Variants in CLYBL observed in about 807,000 individuals in gnomAD.
CLYBL encodes citramalyl-CoA lyase, mitochondrial.
A neutral mutation model predicts 38.9 loss-of-function variants in CLYBL; 31 were observed. The observed-to-expected ratio is 0.80, with a 90% CI of 0.60 to 1.08. The LOEUF (loss-of-function observed/expected upper bound fraction) is 1.08, where lower values mean the gene tolerates loss of function less well. CLYBL is among the 50% of genes least tolerant of loss of function. The pLI, the probability that CLYBL is intolerant of heterozygous loss-of-function variation, is 0.00. For missense variants in CLYBL, 434 were observed against 411.6 expected (o/e 1.05, Z -0.47); for synonymous variants, 171 against 158.6 (o/e 1.08, Z -0.59).
intron 6 of CLYBL, among the ~76,000 whole-genome samples, chr13:99,868,366 T>C (rs1453068271): frequency 6.6e-6 from 1 of 151,978 alleles, no homozygotes. Flanking sequence ...TGGCATTTGA[T>C]TGCCATACCT....
intron 1 of CLYBL, among the ~76,000 whole-genome samples, chr13:99,653,116 A>G (rs973156026): frequency 3.3e-5 from 5 of 152,190 alleles, no homozygotes; most frequent in Admixed American, 2.0e-4. Flanking sequence ...AGACAAGCCA[A>G]TCTGAAGGGC....
intron 4 of CLYBL, 64 bp from the exon 5 acceptor site, chr13:99,864,754 C>T: frequency 9.1e-7 from 1 of 1,095,938 alleles, no homozygotes. Flanking sequence ...CTGAAATGCA[C>T]CGTGCCTCTT....
chr13:99,686,260 C>T (rs2047816502), intron 1 of CLYBL, among the ~76,000 whole-genome samples: 1 of 152,136 alleles, frequency 6.6e-6, no homozygotes. Flanking sequence ...ATAGCTGCTC[C>T]ATTTGGACTA....
At chr13:99,729,905 T>C (rs116775111) in intron 1 of CLYBL, among the ~76,000 whole-genome samples, 3,110 of 152,200 alleles carry the variant, frequency 0.02, 101 homozygotes, top group African/African-American at 0.071. Flanking sequence ...TCCACCACCA[T>C]TGGTACTGTG....
intron 2 of CLYBL, among the ~76,000 whole-genome samples, chr13:99,811,547 A>T (rs7331354): frequency 2.8e-4 from 43 of 152,160 alleles, no homozygotes; most frequent in African/African-American, 9.7e-4. Flanking sequence ...GGAAGCTGAG[A>T]AGCGGCTGGA....
chr13:99,805,705 A>G (rs2050219483), intron 2 of CLYBL, among the ~76,000 whole-genome samples: 1 of 152,166 alleles, frequency 6.6e-6, no homozygotes, highest in Non-Finnish European at 1.5e-5. Flanking sequence ...ATTTTTATGG[A>G]CAAGTCTTGT....
Position 99,784,182 on chromosome 13 carries a change from A to C in CLYBL, c.249+11172A>C, listed in dbSNP as rs574590858. ...TCATGAACCCATATTCATTGGAATT[A>C]ATTCAATCAATTCTTAGATCCCAAG... On this transcript the variant is annotated intron_variant, in intron 2 of 8. Transcript: ENST00000339105. Among the ~76,000 whole-genome samples the C allele has an allele frequency of 2.0e-5, 3 of 152,236 alleles. No homozygotes were observed. The East Asian group carries it at 5.8e-4, about 29-fold the overall frequency.
At chr13:99,891,751 A>G (rs72656015) in intron 8 of CLYBL, 7,081 of 207,014 alleles carry the variant, frequency 0.034, 183 homozygotes, top group South Asian at 0.081. Context: ...CCAAATAGAC[A>G]TATTCCCTCC....
chr13:99,869,528 CT>C lies in CLYBL; in HGVS notation c.803-1408del. Among the ~76,000 whole-genome samples, 1 of 152,190 alleles carries C rather than the reference CT, an allele frequency of 6.6e-6. No homozygotes were observed. Among genetic ancestry groups the C allele is most frequent in the Admixed American group, 6.5e-5 (1 of 15,286 alleles). ...CCTCAGGTAATTTAAGGAATCTTTA[CT>C]TATATAAGTGTTTAACATTTTATTA... On this transcript the variant is annotated intron_variant, in intron 6 of 8. Transcript: ENST00000339105. The surrounding 1 kb of genome is among the most constrained non-coding windows in gnomAD (Gnocchi z 4.3).
At chr13:99,764,907 C>T (rs952239773) in intron 1 of CLYBL, among the ~76,000 whole-genome samples, 2 of 151,884 alleles carry the variant, frequency 1.3e-5, no homozygotes. Flanking sequence ...CCAGGCTTGC[C>T]ATGAACTCCT....
intron 1 of CLYBL, among the ~76,000 whole-genome samples, chr13:99,675,023 C>T (rs2047623170): frequency 6.6e-6 from 1 of 152,078 alleles, no homozygotes; most frequent in Non-Finnish European, 1.5e-5. Context: ...CCAGTCTGGG[C>T]AACATAGCCA....
rs1006917031 is a variant in CLYBL at position 99,849,707 on chromosome 13, T to C, written c.250-9154T>C. Reference sequence around the variant, plus strand: ...AGAAATACCAAAGGCCTGGCACATATAGTTAAGGAAAATCCACCAGGAGGA... The same window carrying C: ...AGAAATACCAAAGGCCTGGCACATACAGTTAAGGAAAATCCACCAGGAGGA... On this transcript the variant is annotated intron_variant, in intron 2 of 8. Coordinates refer to ENST00000339105, the MANE Select transcript of CLYBL (RefSeq NM_206808.5). The surrounding 1 kb of genome is among the most constrained non-coding windows in gnomAD (Gnocchi z 4.9). Among the ~76,000 whole-genome samples the C allele has an allele frequency of 3.3e-5, 5 of 151,968 alleles. No individual in the cohort carries two copies. The highest frequency in any genetic ancestry group is 1.9e-4 in the East Asian group (1 of 5,182).
At chr13:99,833,827 C>A (rs780567761) in intron 2 of CLYBL, among the ~76,000 whole-genome samples, 1 of 151,534 alleles carries the variant, frequency 6.6e-6, no homozygotes, top group African/African-American at 2.4e-5. Flanking sequence ...CTCAGCCTCC[C>A]GAATAGCTGG....
chr13:99,832,463 A>G (rs1027203560), intron 2 of CLYBL, among the ~76,000 whole-genome samples: 3 of 152,212 alleles, frequency 2.0e-5, no homozygotes, highest in African/African-American at 7.2e-5. Context: ...AGAAGAAGCC[A>G]ACGTATAGAC....
chr13:99,812,437 C>G (rs1453963118), intron 2 of CLYBL, among the ~76,000 whole-genome samples: 1 of 152,150 alleles, frequency 6.6e-6, no homozygotes, highest in Non-Finnish European at 1.5e-5. Flanking sequence ...TGGAGACAGC[C>G]TGCAGTGAGG....
At chr13:99,645,366 C>T (rs376684354) in intron 1 of CLYBL, among the ~76,000 whole-genome samples, 4 of 152,060 alleles carry the variant, frequency 2.6e-5, no homozygotes, top group East Asian at 1.9e-4. Context: ...GGCGTGGTGG[C>T]GGGTGCCTGT....
chr13:99,620,526 C>T (rs2046776789), intron 1 of CLYBL, among the ~76,000 whole-genome samples: 1 of 152,244 alleles, frequency 6.6e-6, no homozygotes, highest in East Asian at 1.9e-4. Context: ...CCTGTAATCC[C>T]AGCACTTTGG....
chr13:99,828,589 T>A (rs779739561), intron 2 of CLYBL, among the ~76,000 whole-genome samples: 10 of 152,218 alleles, frequency 6.6e-5, no homozygotes, highest in Non-Finnish European at 1.2e-4. Context: ...AAATCAGATG[T>A]TCTCAGTGGG....
At chr13:99,613,392 G>GT (rs2139178574) in intron 1 of CLYBL, among the ~76,000 whole-genome samples, 1 of 152,304 alleles carries the variant, frequency 6.6e-6, no homozygotes, top group South Asian at 2.1e-4. Context: ...GGGACAGTGT[G>GT]TGAGGAAGCA....
Sources: allele counts gnomAD v4.1 joint callset (sites outside exome capture counted in the v4.1 genomes callset), GRCh38; gene constraint gnomAD v4.1.1; non-coding constraint Gnocchi (gnomAD v3.1); transcripts MANE v1.5; gene names NCBI Gene and HGNC (gene_info 2026-07-23, HGNC 2026-07-21).